The following IL1RAPL1 variants were observed in gnomAD, a reference collection of about 807,000 sequenced individuals.
IL1RAPL1 encodes the protein interleukin-1 receptor accessory protein-like 1.
In IL1RAPL1, 3 loss-of-function variants were observed where a neutral mutation model predicts 48.4. That is an observed-to-expected ratio of 0.06 (90% CI 0.03 to 0.16). The LOEUF is 0.16. Among genes scored for constraint, IL1RAPL1 ranks in the 10% least tolerant of loss-of-function variants. IL1RAPL1 has a pLI of 1.00. For synonymous variants in IL1RAPL1, 185 were observed against 187.7 expected (o/e 0.99, Z 0.12); for missense variants, 349 against 530.6 (o/e 0.66, Z 3.36).
chrX:29,015,733 T>C (rs1354121301), intron 2 of IL1RAPL1, among the ~76,000 whole-genome samples: 1 of 110,827 alleles, frequency 9.0e-6, no homozygotes, highest in Non-Finnish European at 1.9e-5. Context: ...GAATCAAAAG[T>C]CTAATGTTCT....
At chrX:29,785,314 G>A (rs140001167) in intron 6 of IL1RAPL1, among the ~76,000 whole-genome samples, 2,238 of 112,365 alleles carry the variant, frequency 0.02, 52 homozygotes, top group African/African-American at 0.069. Flanking sequence ...TTATACACAT[G>A]TTAGAAAGGC....
intron 1 of IL1RAPL1, among the ~76,000 whole-genome samples, chrX:28,733,071 G>C (rs1256245788): frequency 3.7e-5 from 4 of 109,292 alleles, no homozygotes; most frequent in Non-Finnish European, 7.6e-5. Flanking sequence ...TCATAGAGTG[G>C]TTGTAACAAT....
chrX:29,672,379 AT>A (rs1462168013), intron 6 of IL1RAPL1, among the ~76,000 whole-genome samples: 9 of 111,919 alleles, frequency 8.0e-5, no homozygotes, highest in Non-Finnish European at 1.7e-4. Context: ...ATAAAAGTAT[AT>A]CTTTATAACA....
At chrX:29,181,625 A>T (rs1045961553) in intron 2 of IL1RAPL1, among the ~76,000 whole-genome samples, 2 of 111,800 alleles carry the variant, frequency 1.8e-5, no homozygotes, top group Non-Finnish European at 3.8e-5. Context: ...TCTTTTTTAG[A>T]GATACAGCAG....
chrX:29,498,682 T>G (rs2147758411), intron 5 of IL1RAPL1, among the ~76,000 whole-genome samples: 1 of 111,722 alleles, frequency 9.0e-6, no homozygotes, highest in East Asian at 2.8e-4. Context: ...AATATGTCAT[T>G]AAATAACCCG....
chrX:29,263,179 T>A (rs1029157720), intron 2 of IL1RAPL1, among the ~76,000 whole-genome samples: 3 of 111,850 alleles, frequency 2.7e-5, no homozygotes, highest in African/African-American at 9.7e-5. Context: ...TCCCTCCTAT[T>A]AGAGAGTGAG....
intron 1 of IL1RAPL1, among the ~76,000 whole-genome samples, chrX:28,725,627 G>T (rs1265219861): frequency 8.9e-6 from 1 of 112,060 alleles, no homozygotes; most frequent in African/African-American, 3.2e-5. Context: ...AAAAGATCTT[G>T]CAAGTCTCTG....
intron 6 of IL1RAPL1, among the ~76,000 whole-genome samples, chrX:29,841,091 C>G (rs1364668877): frequency 9.0e-6 from 1 of 111,576 alleles, no homozygotes; most frequent in Non-Finnish European, 1.9e-5. Flanking sequence ...TTTGGTAACT[C>G]CAGTCATGGT....
chrX:28,811,037 T>C (rs1273891257), intron 2 of IL1RAPL1, among the ~76,000 whole-genome samples: 3 of 110,774 alleles, frequency 2.7e-5, no homozygotes, highest in African/African-American at 9.8e-5. Flanking sequence ...ATACTAAGTA[T>C]AAATGACAAC....
chrX:29,831,834 A>G (rs889327061), intron 6 of IL1RAPL1, among the ~76,000 whole-genome samples: 2 of 111,748 alleles, frequency 1.8e-5, no homozygotes, highest in Non-Finnish European at 3.8e-5. Context: ...AATATATTTT[A>G]TATCAGCCTC....
Position 29,955,373 on chromosome X carries a change from C to T in IL1RAPL1, c.1644C>T (p.Asn548=), listed in dbSNP as rs367654028. ...KWHGPKCNKL[N]SKFWKRLQYE... ...ATGGACCAAAATGCAACAAGTTGAA[C>T]TCCAAGTTCTGGAAACGTTTACAGT... Residue 548 remains asparagine, a synonymous_variant, in exon 11 of 11, where the codon AAC becomes AAT. Transcript: ENST00000378993. The T allele has an allele frequency of 1.7e-6, 2 of 1,209,455 alleles. No homozygotes were observed. The highest frequency in any genetic ancestry group is 3.5e-5 in the African/African-American group (2 of 57,003).
intron 2 of IL1RAPL1, among the ~76,000 whole-genome samples, chrX:28,968,997 A>G (rs934567987): frequency 1.8e-5 from 2 of 112,663 alleles, no homozygotes; most frequent in African/African-American, 6.4e-5. Context: ...GTTGTTTTCT[A>G]TAGTAAAAGC....
chrX:29,306,250 G>A (rs1470255203), intron 3 of IL1RAPL1, among the ~76,000 whole-genome samples: 3 of 111,934 alleles, frequency 2.7e-5, no homozygotes, highest in African/African-American at 6.5e-5. Flanking sequence ...TTTATGGGGG[G>A]CCGGGCGCGG....
chrX:29,089,535 C>G (rs1371690315), intron 2 of IL1RAPL1, among the ~76,000 whole-genome samples: 1 of 102,976 alleles, frequency 9.7e-6, no homozygotes, highest in Non-Finnish European at 2.0e-5. Context: ...ATTTCACTGT[C>G]TTTTTTCAGC....
intron 2 of IL1RAPL1, among the ~76,000 whole-genome samples, chrX:29,124,360 T>C: frequency 8.9e-6 from 1 of 112,464 alleles, no homozygotes; most frequent in East Asian, 2.8e-4. Flanking sequence ...CACTAATATA[T>C]AGTAATTATC....
At chrX:29,092,977 C>G (rs771135732) in intron 2 of IL1RAPL1, among the ~76,000 whole-genome samples, 71 of 111,669 alleles carry the variant, frequency 6.4e-4, no homozygotes, top group Non-Finnish European at 1.2e-3. Context: ...TTAGAATGGG[C>G]TACGTTATTT....
intron 3 of IL1RAPL1, among the ~76,000 whole-genome samples, chrX:29,294,385 G>A (rs987314692): frequency 1.2e-4 from 13 of 108,722 alleles, no homozygotes; most frequent in Non-Finnish European, 1.9e-4. Flanking sequence ...AAAATGAGCC[G>A]GGCGTGGTGG....
In IL1RAPL1 at chrX:29,333,997, G is replaced by T. The variant is rs1225952480; in HGVS notation, c.362+50780G>T. 2.1e-4 allele frequency among the ~76,000 whole-genome samples: 19 copies of T among 90,892 alleles called. No homozygotes were observed. The East Asian group carries it at 4.5e-3, about 21-fold the overall frequency. The allele number at this position is 90,892 out of a possible 115,157, so 78.9% of individuals were successfully genotyped here. A position where few individuals can be genotyped will look rare whatever the true frequency, so the allele number is the denominator to read the frequency against. On this transcript the variant is annotated intron_variant, in intron 3 of 10. Coordinates refer to ENST00000378993, the MANE Select transcript of IL1RAPL1 (RefSeq NM_014271.4). ...GGGCTGACCCCCCCACCTCCCTCCC[G>T]GACGGGGCGGCTGGCCGGGCGGGGG... is the stretch of plus-strand genomic sequence containing the variant.
intron 3 of IL1RAPL1, among the ~76,000 whole-genome samples, chrX:29,314,064 T>C (rs1198576038): frequency 9.0e-6 from 1 of 111,649 alleles, no homozygotes; most frequent in African/African-American, 3.3e-5. Context: ...TGGGATTGAG[T>C]GCAAATAATT....
Sources: gnomAD v4.1 joint callset for allele counts (sites outside exome capture counted in the v4.1 genomes callset) on GRCh38, gnomAD v4.1.1 for gene constraint, MANE v1.5 for transcripts, NCBI Gene and HGNC (gene_info 2026-07-23, HGNC 2026-07-21) for gene names.